NFIA: variants seen among roughly 807,000 people sequenced by gnomAD.
NFIA encodes nuclear factor I A, also known as nuclear factor 1 A-type.
NFIA carries 8 observed loss-of-function variants against 62.8 expected under a neutral mutation model. The observed-to-expected ratio is 0.13, with a 90% CI of 0.07 to 0.23. The LOEUF is 0.23. NFIA is among the 10% of genes least tolerant of loss of function. The pLI, the probability that NFIA is intolerant of heterozygous loss-of-function variation, is 1.00. For missense variants in NFIA, 410 were observed against 642.1 expected, an observed-to-expected ratio of 0.64 and a Z score of 3.91; for synonymous variants, 235 against 238.1, an observed-to-expected ratio of 0.99 and a Z score of 0.12.
At chr1:61,420,316 C>A (rs1391325765) in intron 9 of NFIA, among the ~76,000 whole-genome samples, 2 of 151,334 alleles carry the variant, frequency 1.3e-5, no homozygotes, top group African/African-American at 4.9e-5. Context: ...TAGAAATTAG[C>A]CGATATATTT....
intron 3 of NFIA, among the ~76,000 whole-genome samples, chr1:61,319,574 AATG>A (rs1660555035): frequency 6.6e-6 from 1 of 152,226 alleles, no homozygotes; most frequent in South Asian, 2.1e-4. Flanking sequence ...AACAAAAAAT[AATG>A]ATAACCTATG....
intron 2 of NFIA, among the ~76,000 whole-genome samples, chr1:61,255,479 TA>T (rs755321724): frequency 6.6e-6 from 1 of 152,208 alleles, no homozygotes; most frequent in Non-Finnish European, 1.5e-5. Flanking sequence ...AAATGGGGCA[TA>T]AGTCCGAATT....
chr1:61,330,139 CATGTTGGTT>C (rs2100388099), intron 3 of NFIA, among the ~76,000 whole-genome samples: 1 of 152,198 alleles, frequency 6.6e-6, no homozygotes, highest in East Asian at 1.9e-4. Context: ...CGGCTTTGCG[CATGTTGGTT>C]CTAAGAATAC....
intron 7 of NFIA, among the ~76,000 whole-genome samples, chr1:61,393,641 G>A (rs34150773): frequency 0.071 from 10,773 of 152,114 alleles, 465 homozygotes; most frequent in Middle Eastern, 0.14. Context: ...TGGAGTCAGC[G>A]GGTTAAGTCC....
intron 2 of NFIA, among the ~76,000 whole-genome samples, chr1:61,217,640 A>G (rs888025009): frequency 1.3e-5 from 2 of 152,170 alleles, no homozygotes; most frequent in South Asian, 4.2e-4. Context: ...GGGAAATGGA[A>G]CTTTGGTAGG....
chr1:61,364,025 C>A (rs1007211744), intron 6 of NFIA, among the ~76,000 whole-genome samples: 1 of 151,086 alleles, frequency 6.6e-6, no homozygotes, highest in African/African-American at 2.4e-5. Context: ...CAGCTCACTG[C>A]AACCTCCACC....
At chr1:61,321,980 C>T (rs72911980) in intron 3 of NFIA, among the ~76,000 whole-genome samples, 3,735 of 152,118 alleles carry the variant, frequency 0.025, 183 homozygotes, top group African/African-American at 0.086. Flanking sequence ...GTGACAAGGC[C>T]TTTGGATTAG....
chr1:61,089,150 A>G (rs1646272451), intron 2 of NFIA, among the ~76,000 whole-genome samples: 1 of 152,220 alleles, frequency 6.6e-6, no homozygotes. Context: ...TTACTATCAA[A>G]TTGCTGATCA....
intron 2 of NFIA, among the ~76,000 whole-genome samples, chr1:61,250,590 A>G (rs776140286): frequency 6.6e-5 from 10 of 152,208 alleles, no homozygotes; most frequent in Non-Finnish European, 1.2e-4. Context: ...TAAGAAAATT[A>G]TGGGCCAATT....
intron 2 of NFIA, among the ~76,000 whole-genome samples, chr1:61,174,730 C>CTG (rs1650206474): frequency 6.6e-6 from 1 of 152,144 alleles, no homozygotes; most frequent in South Asian, 2.1e-4. Context: ...TGAGTACCTC[C>CTG]TGTGTGCCTG....
chr1:61,159,853 T>C (rs1469267372), intron 2 of NFIA, among the ~76,000 whole-genome samples: 1 of 152,056 alleles, frequency 6.6e-6, no homozygotes, highest in East Asian at 1.9e-4. Context: ...GACTAATTTT[T>C]ATATTTTTAG....
At chr1:61,452,366 C>T (rs1668095837) in intron 10 of NFIA, among the ~76,000 whole-genome samples, 1 of 152,104 alleles carries the variant, frequency 6.6e-6, no homozygotes, top group South Asian at 2.1e-4. Flanking sequence ...CCCTAACCAA[C>T]TTCCTGTTCT....
At chr1:61,253,116 G>GC (rs1408097922) in intron 2 of NFIA, among the ~76,000 whole-genome samples, 1 of 152,210 alleles carries the variant, frequency 6.6e-6, no homozygotes, top group Non-Finnish European at 1.5e-5. Context: ...TGGCTGGTAA[G>GC]CTTAGTGGAG....
chr1:61,079,837 C>G (rs1167956961), upstream of NFIA, among the ~76,000 whole-genome samples: 1 of 152,130 alleles, frequency 6.6e-6, no homozygotes, highest in East Asian at 1.9e-4. Context: ...GTTTTTTACC[C>G]CCAGTCTGCC....
upstream of NFIA, among the ~76,000 whole-genome samples, chr1:61,077,955 T>C (rs1261392325): frequency 6.6e-6 from 1 of 151,922 alleles, no homozygotes; most frequent in East Asian, 1.9e-4. Flanking sequence ...GGAAATCCTG[T>C]ACGTGCTCTG....
At chr1:61,263,929 G>T (rs749249541) in intron 2 of NFIA, among the ~76,000 whole-genome samples, 19 of 152,094 alleles carry the variant, frequency 1.2e-4, no homozygotes, top group Non-Finnish European at 1.9e-4. Flanking sequence ...GGCAGAGGTT[G>T]CAGTGAGCAG....
intron 2 of NFIA, among the ~76,000 whole-genome samples, chr1:61,170,686 A>G (rs1649902553): frequency 6.6e-6 from 1 of 152,176 alleles, no homozygotes; most frequent in African/African-American, 2.4e-5. Context: ...ACAAAATTGC[A>G]TTCTTCGTGG....
intron 2 of NFIA, among the ~76,000 whole-genome samples, chr1:61,110,873 A>G (rs1292724774): frequency 1.3e-5 from 2 of 152,156 alleles, no homozygotes; most frequent in East Asian, 3.8e-4. Flanking sequence ...TGTCACTTTA[A>G]GAAGAAATAA....
chr1:61,097,096 T>A (rs543073356), intron 2 of NFIA, among the ~76,000 whole-genome samples: 2 of 152,186 alleles, frequency 1.3e-5, no homozygotes, highest in Non-Finnish European at 2.9e-5. Flanking sequence ...TTGTGTAGCA[T>A]CAGTTATGCT....
Sources: allele counts gnomAD v4.1 joint callset (sites outside exome capture counted in the v4.1 genomes callset), GRCh38; gene constraint gnomAD v4.1.1; transcripts MANE v1.5; gene names NCBI Gene and HGNC (gene_info 2026-07-23, HGNC 2026-07-21).